Variants in RHOBTB1 observed in about 807,000 individuals in gnomAD.
The protein encoded by RHOBTB1 is rho-related BTB domain-containing protein 1.
RHOBTB1 carries 40 observed loss-of-function variants against 71.6 expected under a neutral mutation model. That is an observed-to-expected ratio of 0.56 (90% CI 0.43 to 0.73). The LOEUF (loss-of-function observed/expected upper bound fraction) is 0.73. Among genes scored for constraint, RHOBTB1 ranks in the 30% least tolerant of loss-of-function variants. RHOBTB1 has a pLI of 0.00. For missense variants in RHOBTB1, 797 were observed against 894.0 expected, an observed-to-expected ratio of 0.89 and a Z score of 1.38; for synonymous variants, 319 against 334.9, an observed-to-expected ratio of 0.95 and a Z score of 0.52.
chr10:60,889,653 A>T (rs1211353273), intron 5 of RHOBTB1, among the ~76,000 whole-genome samples: 3 of 151,358 alleles, frequency 2.0e-5, no homozygotes, highest in South Asian at 2.1e-4. Flanking sequence ...TTACTTCTTT[A>T]AAAAAAAATG....
chr10:60,945,275 G>T (rs146921881), upstream of RHOBTB1, among the ~76,000 whole-genome samples: 5 of 152,276 alleles, frequency 3.3e-5, no homozygotes, highest in African/African-American at 1.2e-4. Context: ...GCTACCGAGA[G>T]GAATGAATAT....
At chr10:60,955,690 A>C (rs1241520485) in intron 2 of RHOBTB1, among the ~76,000 whole-genome samples, 106 of 152,254 alleles carry the variant, frequency 7.0e-4, no homozygotes, top group African/African-American at 2.4e-3. Flanking sequence ...GCCTTCCCTT[A>C]GTCTAAATTT....
At chr10:60,862,652 CTTT>C in the RHOBTB1 span, among the ~76,000 whole-genome samples, 2 of 145,502 alleles carry the variant, frequency 1.4e-5, no homozygotes, top group South Asian at 4.4e-4. Context: ...TTCTCCCTTT[CTTT>C]TTTCTTTTTT....
intron 2 of RHOBTB1, among the ~76,000 whole-genome samples, chr10:60,913,085 T>G (rs999110420): frequency 6.6e-6 from 1 of 152,210 alleles, no homozygotes; most frequent in Non-Finnish European, 1.5e-5. Flanking sequence ...AGAAAAATGA[T>G]AACTTGGATA....
At chr10:60,880,793 G>C (rs1459077252) in intron 7 of RHOBTB1, among the ~76,000 whole-genome samples, 1 of 151,934 alleles carries the variant, frequency 6.6e-6, no homozygotes, top group African/African-American at 2.4e-5. Flanking sequence ...ACTAAATCTA[G>C]CACCAGTTAC....
chr10:60,926,272 T>C (rs917181584), intron 2 of RHOBTB1, among the ~76,000 whole-genome samples: 2 of 152,112 alleles, frequency 1.3e-5, no homozygotes, highest in African/African-American at 4.8e-5. Context: ...CAAGACCTGA[T>C]GGCTTCACTG....
chr10:60,880,198 TGTGTGAGAGAGAGA>T (rs2081256769), intron 7 of RHOBTB1, among the ~76,000 whole-genome samples: 1 of 140,702 alleles, frequency 7.1e-6, no homozygotes. Flanking sequence ...TGTGTGTGTG[TGTGTGAGAGAGAGA>T]GAGAGAGAGA....
At chr10:60,958,655 G>A (rs755390013) in intron 2 of RHOBTB1, among the ~76,000 whole-genome samples, 4 of 152,106 alleles carry the variant, frequency 2.6e-5, no homozygotes, top group Non-Finnish European at 4.4e-5. Flanking sequence ...CCATGCTGGA[G>A]TACAGAGGCA....
intron 2 of RHOBTB1, chr10:60,912,955 T>A (rs934231552): frequency 6.6e-6 from 1 of 152,080 alleles, no homozygotes; most frequent in Non-Finnish European, 1.5e-5. Context: ...CTGAGAAAAG[T>A]GGGTGGGCGG....
intron 2 of RHOBTB1, among the ~76,000 whole-genome samples, chr10:60,959,111 A>G (rs1324845337): frequency 6.6e-6 from 1 of 152,064 alleles, no homozygotes; most frequent in Admixed American, 6.6e-5. Context: ...AAAATAGAAA[A>G]CCATATGTTC....
chr10:60,922,008 A>G (rs915405020), intron 2 of RHOBTB1, among the ~76,000 whole-genome samples: 1 of 152,216 alleles, frequency 6.6e-6, no homozygotes, highest in Non-Finnish European at 1.5e-5. Context: ...GGAGGGGCAT[A>G]GGATTGGATT....
In RHOBTB1 at chr10:60,871,478, C is replaced by G; in HGVS notation, c.*4G>C. 1 of 1,607,886 alleles carries G rather than the reference C, an allele frequency of 6.2e-7. No homozygotes were observed. Among genetic ancestry groups the G allele is most frequent in the South Asian group, 1.1e-5 (1 of 89,612 alleles). ...TCTGTTTTTTGTTTTTTTTCTCTTC[C>G]TCTTCAGGCCACTGCTGGAGATGAA... On this transcript the variant is annotated 3_prime_UTR_variant, in exon 11 of 11. Coordinates refer to ENST00000337910, the MANE Select transcript of RHOBTB1 (RefSeq NM_014836.5).
chr10:60,961,803 C>T lies in RHOBTB1; in HGVS notation c.-61-19949G>A, dbSNP rs529479683. 1.0e-3 allele frequency among the ~76,000 whole-genome samples: 135 copies of T among 130,812 alleles called. 1 individual carries two copies. Among genetic ancestry groups the T allele is most frequent in the African/African-American group, 4.2e-3 (132 of 31,464 alleles). The allele number at this position is 130,812 out of a possible 152,430, so 85.8% of individuals were successfully genotyped here. ...TATTAATGCAGTGGTGATTTATAACCTTTTTTTGTTTTTTTTTTTTTTTGA... is the reference window on the plus strand; with the variant it reads ...TATTAATGCAGTGGTGATTTATAACTTTTTTTTGTTTTTTTTTTTTTTTGA... On this transcript the variant is annotated intron_variant, in intron 2 of 11. Transcript: ENST00000357917.
intron 2 of RHOBTB1, among the ~76,000 whole-genome samples, chr10:60,915,530 C>T (rs1564943256): frequency 1.3e-5 from 2 of 152,066 alleles, no homozygotes; most frequent in South Asian, 2.1e-4. Context: ...CTGACTTGAA[C>T]GTTATTTCAT....
At chr10:61,001,218 G>T (rs1339656629) in intron 1 of RHOBTB1, among the ~76,000 whole-genome samples, 2 of 152,138 alleles carry the variant, frequency 1.3e-5, no homozygotes, top group Non-Finnish European at 2.9e-5. Flanking sequence ...GTCAGCGAAA[G>T]GTAACCAGGT....
rs183529292 is a variant in RHOBTB1, at chr10:60,917,028, C to T, written c.-10-5476G>A. Among the ~76,000 whole-genome samples, 153 of 152,286 alleles carry T rather than the reference C, an allele frequency of 1.0e-3. 1 individual carries two copies. The highest frequency in any genetic ancestry group is 3.6e-3 in the African/African-American group (149 of 41,552). ...TAAGGCAACAGATTCTCCCCTAAGG[C>T]CCCCAAAGTAACACAGCCTGCCAAC... On this transcript the variant is annotated intron_variant, in intron 2 of 10. Coordinates refer to ENST00000337910, the MANE Select transcript of RHOBTB1 (RefSeq NM_014836.5).
chr10:60,986,431 A>ATATATATAT (rs1554860002), intron 1 of RHOBTB1, among the ~76,000 whole-genome samples: 1,678 of 134,474 alleles, frequency 0.012, 31 homozygotes, highest in East Asian at 0.024. Context: ...ATATATATAT[A>ATATATATAT]AAATATATAT....
At chr10:60,929,236 C>T (rs2084082709) in intron 2 of RHOBTB1, among the ~76,000 whole-genome samples, 1 of 152,070 alleles carries the variant, frequency 6.6e-6, no homozygotes, top group Admixed American at 6.6e-5. Context: ...GATTATTACA[C>T]ATTTTATGTT....
Position 60,923,437 on chromosome 10 carries a change from G to A in RHOBTB1, c.-10-11885C>T, listed in dbSNP as rs114733060. ...ATAAGGTCACCAAATTGAAAGCCGTGCTGGCAACAGTACATAGTAGACTTG... is the reference window on the plus strand; with the variant it reads ...ATAAGGTCACCAAATTGAAAGCCGTACTGGCAACAGTACATAGTAGACTTG... On this transcript the variant is annotated intron_variant, in intron 2 of 10. Coordinates refer to ENST00000337910, the MANE Select transcript of RHOBTB1 (RefSeq NM_014836.5). 5.9e-3 allele frequency among the ~76,000 whole-genome samples: 901 copies of A among 152,318 alleles called. 5 individuals are homozygous for A. Among genetic ancestry groups the A allele is most frequent in the African/African-American group, 0.021 (873 of 41,564 alleles).
Sources: allele counts gnomAD v4.1 joint callset (sites outside exome capture counted in the v4.1 genomes callset), GRCh38; gene constraint gnomAD v4.1.1; transcripts MANE v1.5; gene names NCBI Gene and HGNC (gene_info 2026-07-23, HGNC 2026-07-21).